GLRA2: variants seen among roughly 807,000 people sequenced by gnomAD.
GLRA2 encodes the protein glycine receptor alpha 2.
Under a neutral mutation model 31.6 loss-of-function variants are expected in GLRA2, and 11 were observed. That is an observed-to-expected ratio of 0.35 (90% CI 0.22 to 0.58). The LOEUF (loss-of-function observed/expected upper bound fraction) is 0.58. GLRA2 is among the 20% of genes least tolerant of loss of function. The pLI, the probability that GLRA2 is intolerant of heterozygous loss-of-function variation, is 0.84. For missense variants in GLRA2, 212 were observed against 351.8 expected, an observed-to-expected ratio of 0.60 and a Z score of 3.18; for synonymous variants, 132 against 134.0, an observed-to-expected ratio of 0.99 and a Z score of 0.10.
rs147161162 is a variant in GLRA2 at position 14,534,084 on chromosome X, G to A, written c.202+1712G>A. On this transcript the variant is annotated intron_variant, in intron 2 of 8. Coordinates refer to ENST00000218075, the MANE Select transcript of GLRA2 (RefSeq NM_002063.4). ...CTACTTTAAGTGACCACACAAGAAT[G>A]AGCCATCATTTCCACATCCAATTTT... Among the ~76,000 whole-genome samples the A allele has an allele frequency of 9.9e-5, 11 of 110,955 alleles. No homozygotes were observed. In the South Asian group the frequency reaches 1.9e-3, roughly 19 times the overall value.
At chrX:14,587,167 T>C (rs992348555) in intron 4 of GLRA2, among the ~76,000 whole-genome samples, 1 of 112,523 alleles carries the variant, frequency 8.9e-6, no homozygotes, top group Non-Finnish European at 1.9e-5. Flanking sequence ...TTCTATGGTA[T>C]ATATGTATCA....
At chrX:14,696,079 T>C (rs774111158) in intron 8 of GLRA2, among the ~76,000 whole-genome samples, 1 of 107,997 alleles carries the variant, frequency 9.3e-6, no homozygotes, top group Non-Finnish European at 1.9e-5. Flanking sequence ...AGCAGGAAAG[T>C]GAGTGGAAGA....
chrX:14,456,758 T>A, the GLRA2 span, among the ~76,000 whole-genome samples: 1 of 112,588 alleles, frequency 8.9e-6, no homozygotes, highest in Non-Finnish European at 1.9e-5. Flanking sequence ...CATTCATCTG[T>A]TGTTGGGCAC....
At position 14,532,389 on chromosome X, in the gene GLRA2, C is replaced by G. The variant is rs747984506; in HGVS notation, c.202+17C>G. ...ATTTTAAAGGTAGGTTCCACTTAAACTTACGTTAAGCCTTTGAGAAATCTT... is the reference window on the plus strand; with the variant it reads ...ATTTTAAAGGTAGGTTCCACTTAAAGTTACGTTAAGCCTTTGAGAAATCTT... On this transcript the variant is annotated intron_variant, in intron 2 of 8. Transcript: ENST00000218075. The G allele has an allele frequency of 9.0e-7, 1 of 1,114,844 alleles. No individual in the cohort carries two copies. The highest frequency in any genetic ancestry group is 2.4e-5 in the Admixed American group (1 of 41,573). The allele number at this position is 1,114,844 out of a possible 1,213,427, so 91.9% of individuals were successfully genotyped here.
intron 2 of GLRA2, among the ~76,000 whole-genome samples, chrX:14,569,450 A>G (rs1386936233): frequency 8.9e-6 from 1 of 112,276 alleles, no homozygotes; most frequent in African/African-American, 3.2e-5. Context: ...AAATGGGTAA[A>G]GGGCTTGAAG....
chrX:14,687,892 T>C (rs1024752023), intron 7 of GLRA2, among the ~76,000 whole-genome samples: 2 of 112,297 alleles, frequency 1.8e-5, no homozygotes, highest in African/African-American at 6.5e-5. Flanking sequence ...TTTTAGGATT[T>C]TCAGCTTTTC....
At chrX:14,505,308 C>T in the GLRA2 span, among the ~76,000 whole-genome samples, 1 of 112,184 alleles carries the variant, frequency 8.9e-6, no homozygotes, top group African/African-American at 3.2e-5. Flanking sequence ...GATCTGGGAA[C>T]TGGAGGCTTC....
At chrX:14,635,206 T>A (rs2090697660) in intron 7 of GLRA2, among the ~76,000 whole-genome samples, 1 of 112,028 alleles carries the variant, frequency 8.9e-6, no homozygotes, top group Non-Finnish European at 1.9e-5. Context: ...CCTCCTGGAA[T>A]CACTAGTATC....
At chrX:14,468,511 G>A in the GLRA2 span, among the ~76,000 whole-genome samples, 15 of 112,082 alleles carry the variant, frequency 1.3e-4, no homozygotes, top group South Asian at 3.7e-4. Context: ...GGACTACCTC[G>A]TAAGATTAAT....
intron 7 of GLRA2, among the ~76,000 whole-genome samples, chrX:14,632,118 A>G (rs141590236): frequency 0.028 from 2,972 of 104,629 alleles, 69 homozygotes; most frequent in African/African-American, 0.079. Flanking sequence ...TCTAGACAGT[A>G]AACTGGAACA....
At chrX:14,708,146 T>C (rs1354910790) in intron 8 of GLRA2, among the ~76,000 whole-genome samples, 1 of 111,736 alleles carries the variant, frequency 8.9e-6, no homozygotes, top group Non-Finnish European at 1.9e-5. Flanking sequence ...TGAAACTTTG[T>C]ATCCCTTGAC....
chrX:14,559,782 A>G (rs1336675161), intron 2 of GLRA2, among the ~76,000 whole-genome samples: 3 of 108,736 alleles, frequency 2.8e-5, no homozygotes, highest in Non-Finnish European at 5.7e-5. Flanking sequence ...CTGGATTGCA[A>G]TGGCACGATC....
chrX:14,482,024 T>A, the GLRA2 span, among the ~76,000 whole-genome samples: 58 of 112,059 alleles, frequency 5.2e-4, no homozygotes, highest in African/African-American at 1.8e-3. Context: ...ACCACTTGGT[T>A]TAATTACACA....
At chrX:14,523,198 G>A in the GLRA2 span, among the ~76,000 whole-genome samples, 1 of 111,847 alleles carries the variant, frequency 8.9e-6, no homozygotes, top group Admixed American at 9.5e-5. Flanking sequence ...ATGTTATGGA[G>A]GTGGCTTCTT....
At chrX:14,537,384 A>G (rs1467899650) in intron 2 of GLRA2, among the ~76,000 whole-genome samples, 6 of 111,285 alleles carry the variant, frequency 5.4e-5, no homozygotes, top group African/African-American at 1.3e-4. Flanking sequence ...TGTATTTCCA[A>G]TTCAAAAGGG....
intron 8 of GLRA2, among the ~76,000 whole-genome samples, chrX:14,722,280 C>T (rs1410918519): frequency 9.0e-6 from 1 of 111,278 alleles, no homozygotes; most frequent in Admixed American, 9.6e-5. Flanking sequence ...GTTGGGCAGG[C>T]ATCATTCTTT....
At chrX:14,561,276 A>G (rs143093486) in intron 2 of GLRA2, among the ~76,000 whole-genome samples, 2,184 of 112,238 alleles carry the variant, frequency 0.019, 16 homozygotes, top group Non-Finnish European at 0.033. Context: ...GGCAGTCCCT[A>G]TGCTCTTCCA....
At chrX:14,636,230 A>G (rs1040021589) in intron 7 of GLRA2, among the ~76,000 whole-genome samples, 44 of 111,922 alleles carry the variant, frequency 3.9e-4, no homozygotes, top group African/African-American at 1.3e-3. Context: ...ATAACTCCCT[A>G]TTACTTAAAT....
intron 1 of GLRA2, among the ~76,000 whole-genome samples, chrX:14,531,910 AT>A (rs902127830): frequency 1.8e-5 from 2 of 111,720 alleles, no homozygotes; most frequent in Admixed American, 1.9e-4. Context: ...ATTTAAAAAA[AT>A]ATCATCTCAT....
Sources: allele counts gnomAD v4.1 joint callset (sites outside exome capture counted in the v4.1 genomes callset), GRCh38; gene constraint gnomAD v4.1.1; transcripts MANE v1.5; gene names NCBI Gene and HGNC (gene_info 2026-07-23, HGNC 2026-07-21).